The following EIF3H variants were observed in gnomAD, a reference collection of about 807,000 sequenced individuals.
EIF3H encodes the protein eIF-3-gamma.
EIF3H carries 26 observed loss-of-function variants against 44.2 expected under a neutral mutation model. The observed-to-expected ratio is 0.59, with a 90% CI of 0.43 to 0.82. The LOEUF (loss-of-function observed/expected upper bound fraction) is 0.82, where lower values mean the gene tolerates loss of function less well. Among genes scored for constraint, EIF3H ranks in the 40% least tolerant of loss-of-function variants. The pLI is 0.00. For synonymous variants in EIF3H, 166 were observed against 151.9 expected (o/e 1.09, Z -0.68); for missense variants, 359 against 432.8 (o/e 0.83, Z 1.51).
chr8:116,678,870 G>A (rs1813904815), intron 2 of EIF3H, among the ~76,000 whole-genome samples: 1 of 140,650 alleles, frequency 7.1e-6, no homozygotes, highest in Non-Finnish European at 1.6e-5. Context: ...GTGGGGGGGG[G>A]TCAGCCCCCC....
chr8:116,658,942 C>T lies in EIF3H; in HGVS notation c.328G>A (p.Val110Ile), dbSNP rs748940773. The T allele has an allele frequency of 2.5e-6, 4 of 1,613,342 alleles. No individual in the cohort carries two copies. Among genetic ancestry groups the T allele is most frequent in the Admixed American group, 1.7e-5 (1 of 59,926 alleles). Residue 110 changes from valine to isoleucine, a missense_variant, in exon 3 of 8, where the codon GTA (valine) becomes ATA (isoleucine). By Grantham distance (29) the Val-to-Ile change is conservative (BLOSUM62 3). Around this residue, in one of 5 missense-constraint regions of EIF3H, gnomAD observed 91 missense variants for 164.6 expected, o/e 0.55. Transcript: ENST00000521861. ...CCCACGTGAAGATGATCAATGTTTACATGGCGAAGGCTCCGCATCATTTCC... is the reference window on the plus strand; with the variant it reads ...CCCACGTGAAGATGATCAATGTTTATATGGCGAAGGCTCCGCATCATTTCC... ...QMEMMRSLRHVNIDHLHVGWY... is the reference protein window; with the variant it reads ...QMEMMRSLRHINIDHLHVGWY...
rs1016459792 is a variant in EIF3H, at chr8:116,725,952, T to C, written c.289+64A>G. On this transcript the variant is annotated intron_variant, in intron 2 of 7. Transcript: ENST00000521861. ...ATTCACACATTATCAAAAGTTATGG[T>C]GAGACCTGTGTCAATATCCATTTGT... 5.9e-6 allele frequency: 9 copies of C among 1,530,684 alleles called. No individual in the cohort carries two copies. The African/African-American group carries it at 1.1e-4, about 19-fold the overall frequency. 94.8% of individuals were successfully genotyped at this position (1,530,684 alleles called of 1,614,324 possible). A position where few individuals can be genotyped will look rare whatever the true frequency, so the allele number is the denominator to read the frequency against.
At chr8:116,765,493 C>T (rs539986062) in intron 1 of EIF3H, 1 of 152,186 alleles carries the variant, frequency 6.6e-6, no homozygotes, top group Non-Finnish European at 1.5e-5. Flanking sequence ...ATTCCATACT[C>T]CCCATTCTTT....
chr8:116,725,759 C>T (rs1183090558), intron 2 of EIF3H, among the ~76,000 whole-genome samples: 1 of 152,200 alleles, frequency 6.6e-6, no homozygotes, highest in African/African-American at 2.4e-5. Flanking sequence ...ACAAAGTCAA[C>T]ATCAGCACAG....
chr8:116,683,822 TC>T (rs1814030744), intron 2 of EIF3H, among the ~76,000 whole-genome samples: 1 of 152,220 alleles, frequency 6.6e-6, no homozygotes, highest in South Asian at 2.1e-4. Context: ...ATTTATATAA[TC>T]CAGGCAGGTT....
intron 1 of EIF3H, among the ~76,000 whole-genome samples, chr8:116,733,688 C>T (rs145703353): frequency 6.6e-5 from 10 of 151,818 alleles, no homozygotes; most frequent in Non-Finnish European, 1.0e-4. Context: ...ACATTGATAT[C>T]TGCATATCAG....
chr8:116,744,477 C>T (rs1456164505), intron 1 of EIF3H, among the ~76,000 whole-genome samples: 2 of 152,154 alleles, frequency 1.3e-5, no homozygotes, highest in East Asian at 3.9e-4. Flanking sequence ...AAGAATATGG[C>T]ATATTACTCC....
At chr8:116,647,925 T>C (rs1301254543) in intron 6 of EIF3H, among the ~76,000 whole-genome samples, 1 of 151,538 alleles carries the variant, frequency 6.6e-6, no homozygotes. Context: ...ATCTTTTTAG[T>C]TAAAAAAAAA....
At chr8:116,725,363 A>G (rs1814817732) in intron 2 of EIF3H, among the ~76,000 whole-genome samples, 1 of 152,230 alleles carries the variant, frequency 6.6e-6, no homozygotes, top group Non-Finnish European at 1.5e-5. Context: ...CAATATGCAT[A>G]CACTTAACAC....
At chr8:116,743,805 C>A (rs199541147) in intron 1 of EIF3H, among the ~76,000 whole-genome samples, 21,139 of 61,528 alleles carry the variant, frequency 0.34, 2,659 homozygotes, top group Non-Finnish European at 0.41. Flanking sequence ...TATAAACACA[C>A]ACACACACAC....
rs1813730852 is a variant in EIF3H, at chr8:116,670,280, ATG to A, written c.290-11302_290-11301del. On this transcript the variant is annotated intron_variant, in intron 2 of 7. Coordinates refer to ENST00000521861, the MANE Select transcript of EIF3H (RefSeq NM_003756.3). ...CTGGAACTCCCACTGCCTCACAAGT[ATG>A]TGGGGAGAATGCGGAGGTGAGGCTA... Among the ~76,000 whole-genome samples the A allele has an allele frequency of 2.6e-5, 4 of 152,352 alleles. No homozygotes were observed. In the South Asian group the frequency reaches 8.3e-4, roughly 32 times the overall value.
chr8:116,660,519 G>A (rs910539364), intron 2 of EIF3H, among the ~76,000 whole-genome samples: 3 of 152,112 alleles, frequency 2.0e-5, no homozygotes, highest in Middle Eastern at 3.4e-3. Context: ...AGAATTGCGT[G>A]TTTTTTGAGA....
At chr8:116,764,521 T>C (rs991190041) in intron 1 of EIF3H, among the ~76,000 whole-genome samples, 13 of 152,322 alleles carry the variant, frequency 8.5e-5, no homozygotes, top group African/African-American at 3.1e-4. Flanking sequence ...GAGATTGTAA[T>C]AAATGTCACT....
intron 2 of EIF3H, among the ~76,000 whole-genome samples, chr8:116,704,818 CA>C (rs1814439480): frequency 1.0e-5 from 1 of 99,196 alleles, no homozygotes; most frequent in Non-Finnish European, 2.1e-5. Context: ...TATTTTAAAG[CA>C]AATTATTTCA....
intron 2 of EIF3H, among the ~76,000 whole-genome samples, chr8:116,700,628 C>T (rs1814359691): frequency 6.6e-6 from 1 of 152,060 alleles, no homozygotes; most frequent in Non-Finnish European, 1.5e-5. Context: ...GCTTACTGTT[C>T]CTGTTTCTAG....
chr8:116,674,010 C>T (rs1813801882), intron 2 of EIF3H, among the ~76,000 whole-genome samples: 1 of 122,388 alleles, frequency 8.2e-6, no homozygotes, highest in South Asian at 2.6e-4. Context: ...GCGGAGCTTG[C>T]AGTGAGCCGA....
At chr8:116,688,500 T>A (rs930588759) in intron 2 of EIF3H, among the ~76,000 whole-genome samples, 1 of 151,970 alleles carries the variant, frequency 6.6e-6, no homozygotes, top group African/African-American at 2.4e-5. Flanking sequence ...AAGCAAGACA[T>A]AAAAGATATA....
chr8:116,724,713 G>A (rs1814805126), intron 2 of EIF3H, among the ~76,000 whole-genome samples: 1 of 152,040 alleles, frequency 6.6e-6, no homozygotes, highest in Admixed American at 6.6e-5. Context: ...ATCATCAGAA[G>A]TGCAATTCAA....
In EIF3H at chr8:116,752,732, GAAGA is replaced by G. The variant is rs1246990145; in HGVS notation, c.132+2930_132+2933del. On this transcript the variant is annotated intron_variant, in intron 1 of 7. Transcript: ENST00000521861. ...AGAAAGAAAGAAAGAAAGAAAGAAA[GAAGA>G]GAAAGAAAGAAAGAAAGAGGGAGGG... Among the ~76,000 whole-genome samples the G allele has an allele frequency of 7.3e-5, 8 of 109,036 alleles. No individual in the cohort carries two copies. The East Asian group carries it at 1.8e-3, about 24-fold the overall frequency. 71.5% of individuals were successfully genotyped at this position (109,036 alleles called of 152,430 possible).
Sources: gnomAD v4.1 joint callset for allele counts (sites outside exome capture counted in the v4.1 genomes callset) on GRCh38, gnomAD v4.1.1 for gene constraint, gnomAD v4.1.1 regional missense constraint, MANE v1.5 for transcripts, NCBI Gene and HGNC (gene_info 2026-07-23, HGNC 2026-07-21) for gene names.